The following GMDS variants were observed in gnomAD, a reference collection of about 807,000 sequenced individuals.
The protein encoded by GMDS is GDP-mannose 4,6-dehydratase, also known as GDP-mannose 4,6 dehydratase.
A neutral mutation model predicts 49.9 loss-of-function variants in GMDS; 20 were observed. That is an observed-to-expected ratio of 0.40 (90% CI 0.28 to 0.58). GMDS has a LOEUF of 0.58. Ranked by LOEUF, GMDS falls within the 20% of genes least tolerant of loss-of-function variation. The pLI, the probability that GMDS is intolerant of heterozygous loss-of-function variation, is 0.42. For synonymous variants in GMDS, 177 were observed against 178.6 expected (o/e 0.99, Z 0.07); for missense variants, 362 against 481.4 (o/e 0.75, Z 2.32).
chr6:2,209,401 C>T (rs747182052), intron 1 of GMDS, among the ~76,000 whole-genome samples: 1 of 152,242 alleles, frequency 6.6e-6, no homozygotes, highest in Non-Finnish European at 1.5e-5. Flanking sequence ...CCAGAACTGG[C>T]TGACTAGCTC....
At chr6:2,011,527 T>A (rs1767557159) in intron 4 of GMDS, among the ~76,000 whole-genome samples, 1 of 152,162 alleles carries the variant, frequency 6.6e-6, no homozygotes, top group Non-Finnish European at 1.5e-5. Flanking sequence ...TTCACAATAG[T>A]AAAGATGTGG....
chr6:2,221,932 G>T (rs1444485560), intron 1 of GMDS, among the ~76,000 whole-genome samples: 1 of 152,190 alleles, frequency 6.6e-6, no homozygotes, highest in African/African-American at 2.4e-5. Context: ...CGCCAGGTCA[G>T]TGGGAAGAAA....
At chr6:1,768,177 G>A (rs1354710030) in intron 7 of GMDS, among the ~76,000 whole-genome samples, 1 of 152,142 alleles carries the variant, frequency 6.6e-6, no homozygotes, top group African/African-American at 2.4e-5. Context: ...TAGGTAACAT[G>A]AGTCATTAAC....
chr6:1,834,656 T>A (rs1756840118), intron 7 of GMDS, among the ~76,000 whole-genome samples: 1 of 152,218 alleles, frequency 6.6e-6, no homozygotes, highest in East Asian at 1.9e-4. Context: ...TTAAACAATT[T>A]CCTATTAAAC....
At chr6:2,082,426 T>C (rs1772768621) in intron 4 of GMDS, among the ~76,000 whole-genome samples, 1 of 152,114 alleles carries the variant, frequency 6.6e-6, no homozygotes, top group Non-Finnish European at 1.5e-5. Flanking sequence ...GCCCCACATA[T>C]CCCACAGCAG....
At chr6:2,203,339 A>G (rs982107981) in intron 1 of GMDS, among the ~76,000 whole-genome samples, 5 of 152,242 alleles carry the variant, frequency 3.3e-5, no homozygotes, top group African/African-American at 1.2e-4. Context: ...TCTCCAATTT[A>G]AAAATAATAC....
chr6:2,025,287 C>T (rs1474275285), intron 4 of GMDS, among the ~76,000 whole-genome samples: 1 of 150,430 alleles, frequency 6.6e-6, no homozygotes, highest in Non-Finnish European at 1.5e-5. Flanking sequence ...CCATTAAGAT[C>T]TTATATATTA....
At chr6:2,123,637 ACT>A (rs1317568143) in intron 2 of GMDS, among the ~76,000 whole-genome samples, 1 of 151,874 alleles carries the variant, frequency 6.6e-6, no homozygotes, top group African/African-American at 2.4e-5. Context: ...CTACTCTAAA[ACT>A]CTCTGCTCCG....
At chr6:1,796,847 G>A (rs1339252734) in intron 7 of GMDS, among the ~76,000 whole-genome samples, 4 of 152,134 alleles carry the variant, frequency 2.6e-5, no homozygotes, top group Non-Finnish European at 4.4e-5. Flanking sequence ...TGTTTGATAC[G>A]CTCATCAGAT....
chr6:2,225,120 GA>G (rs1389057089), intron 1 of GMDS, among the ~76,000 whole-genome samples: 2 of 150,174 alleles, frequency 1.3e-5, no homozygotes, highest in Non-Finnish European at 3.0e-5. Context: ...AGGAATTCAA[GA>G]CCAGCCTGGG....
chr6:1,770,979 T>C (rs1768555293), intron 7 of GMDS, among the ~76,000 whole-genome samples: 2 of 152,248 alleles, frequency 1.3e-5, no homozygotes. Flanking sequence ...CCAGATATTT[T>C]TGATATATGT....
intron 7 of GMDS, among the ~76,000 whole-genome samples, chr6:1,917,438 G>A (rs1048978147): frequency 4.6e-5 from 7 of 152,166 alleles, no homozygotes; most frequent in African/African-American, 1.7e-4. Flanking sequence ...TCCTAACCAT[G>A]GTCAAATATG....
At chr6:1,887,955 T>C (rs1387446331) in intron 7 of GMDS, among the ~76,000 whole-genome samples, 3 of 152,024 alleles carry the variant, frequency 2.0e-5, no homozygotes, top group Non-Finnish European at 4.4e-5. Flanking sequence ...TTTTTTGTTT[T>C]GTTTTGTTTT....
At chr6:2,109,681 G>GA (rs1221708550) in intron 4 of GMDS, among the ~76,000 whole-genome samples, 1 of 152,180 alleles carries the variant, frequency 6.6e-6, no homozygotes, top group African/African-American at 2.4e-5. Context: ...AACCTTGCCT[G>GA]GACCATAGTT....
rs534266431 is a variant in GMDS at position 1,635,495 on chromosome 6, C to T, written c.988-10955G>A. ...GCCGGCCACCAAACATCTAGAAAAT[C>T]ATAACATCCTTTCAGGAAAATGCAG... On this transcript the variant is annotated intron_variant, in intron 9 of 10. Transcript: ENST00000380815. The surrounding 1 kb of genome is among the most constrained non-coding windows in gnomAD (Gnocchi z 4.7). Among the ~76,000 whole-genome samples, 15 of 152,318 alleles carry T rather than the reference C, an allele frequency of 9.8e-5. No individual in the cohort carries two copies. The highest frequency in any genetic ancestry group is 2.0e-4 in the Admixed American group (3 of 15,304).
At chr6:1,708,786 G>A (rs12210467) in intron 9 of GMDS, among the ~76,000 whole-genome samples, 89,677 of 152,186 alleles carry the variant, frequency 0.59, 26,496 homozygotes, top group Admixed American at 0.67. Flanking sequence ...AAGGCCAACC[G>A]GGGTCACGTC....
chr6:1,928,292 G>C (rs774833660), intron 7 of GMDS, among the ~76,000 whole-genome samples: 1 of 151,874 alleles, frequency 6.6e-6, no homozygotes, highest in Non-Finnish European at 1.5e-5. Context: ...TTGAACCCGG[G>C]AGGCAGAGGT....
At chr6:1,850,109 T>A (rs1162233660) in intron 7 of GMDS, among the ~76,000 whole-genome samples, 7 of 152,174 alleles carry the variant, frequency 4.6e-5, no homozygotes, top group Non-Finnish European at 1.0e-4. Context: ...CCTCATGCAA[T>A]CTCATGGGTC....
chr6:2,071,566 GA>G (rs1028117185), intron 4 of GMDS, among the ~76,000 whole-genome samples: 100 of 151,464 alleles, frequency 6.6e-4, no homozygotes, highest in African/African-American at 2.4e-3. Context: ...ACAAAGTAAA[GA>G]CACTAAAAAT....
Sources: allele counts gnomAD v4.1 joint callset (sites outside exome capture counted in the v4.1 genomes callset), GRCh38; gene constraint gnomAD v4.1.1; non-coding constraint Gnocchi (gnomAD v3.1); transcripts MANE v1.5; gene names NCBI Gene and HGNC (gene_info 2026-07-23, HGNC 2026-07-21).